The following HECW1 variants were observed in gnomAD, a reference collection of about 807,000 sequenced individuals.
HECW1 encodes the protein E3 ubiquitin-protein ligase HECW1.
Under a neutral mutation model 182.3 loss-of-function variants are expected in HECW1, and 61 were observed. The ratio of observed to expected loss-of-function variants is 0.33; its 90% CI spans 0.27 to 0.41. The LOEUF is 0.41. HECW1 is among the 10% of genes least tolerant of loss of function. HECW1 has a pLI of 1.00. For synonymous variants in HECW1, 859 were observed against 832.6 expected, an observed-to-expected ratio of 1.03 and a Z score of -0.55; for missense variants, 1,739 against 2,108.9, an observed-to-expected ratio of 0.82 and a Z score of 3.44.
chr7:43,407,459 G>C (rs2075649093), intron 7 of HECW1, 103 bp from the exon 8 acceptor site: 3 of 818,630 alleles, frequency 3.7e-6, no homozygotes, highest in Admixed American at 2.6e-5. Context: ...TAGAGATCTA[G>C]TTCATAAGGG....
intron 19 of HECW1, among the ~76,000 whole-genome samples, chr7:43,493,912 C>T (rs2079024903): frequency 4.6e-5 from 7 of 152,106 alleles, no homozygotes; most frequent in Admixed American, 4.6e-4. Context: ...ATGGGGGTCA[C>T]AAAGTGGGCA....
chr7:43,543,552 G>A (rs994037839), intron 26 of HECW1, among the ~76,000 whole-genome samples: 4 of 152,120 alleles, frequency 2.6e-5, no homozygotes, highest in African/African-American at 9.7e-5. Context: ...GCTGAGGTGG[G>A]CAGATCACCT....
At chr7:43,366,239 G>A (rs929371228) in intron 6 of HECW1, among the ~76,000 whole-genome samples, 3 of 152,000 alleles carry the variant, frequency 2.0e-5, no homozygotes, top group African/African-American at 7.3e-5. Flanking sequence ...CAACTCAATA[G>A]GACATTTCCA....
chr7:43,202,405 C>T (rs1795087198), intron 2 of HECW1, among the ~76,000 whole-genome samples: 1 of 151,854 alleles, frequency 6.6e-6, no homozygotes, highest in African/African-American at 2.4e-5. Flanking sequence ...CTTTCCTTTT[C>T]CATATTCTTT....
rs1327690112 is a variant in HECW1 at position 43,112,770 on chromosome 7, T to G, written c.-434T>G. 2 of 229,922 alleles carry G rather than the reference T, an allele frequency of 8.7e-6. No individual in the cohort carries two copies. The highest frequency in any genetic ancestry group is 4.4e-5 in the African/African-American group (2 of 45,010). The allele number at this position is 229,922 out of a possible 1,614,324, so 14.2% of individuals were successfully genotyped here. On this transcript the variant is annotated 5_prime_UTR_variant, in exon 1 of 30. Transcript: ENST00000395891. ...CCGTGACAGTGGCCGTGGCCTCCGC[T>G]CTCTCGGGGCACCCGGCAGCCAGAG...
intron 2 of HECW1, among the ~76,000 whole-genome samples, chr7:43,131,990 G>A (rs902452461): frequency 6.6e-6 from 1 of 152,218 alleles, no homozygotes; most frequent in Non-Finnish European, 1.5e-5. Context: ...CAAGGGCATC[G>A]AGTGGGGAAA....
At chr7:43,367,272 C>T (rs1166794102) in intron 6 of HECW1, among the ~76,000 whole-genome samples, 3 of 152,174 alleles carry the variant, frequency 2.0e-5, no homozygotes, top group Non-Finnish European at 1.5e-5. Context: ...CTTACTATTA[C>T]ATCCAGAATT....
In HECW1 at chr7:43,444,994, G is replaced by T. The variant is rs770350541; in HGVS notation, c.1822G>T (p.Ala608Ser). ...DGLSEVDTVA[A>S]DPSALEEDRE... is the part of the protein sequence containing the mutation. ...GCTCAGCGAGGTGGACACGGTGGCCGCTGACCCGTCTGCCCTGGAAGAGGA... is the reference window on the plus strand; with the variant it reads ...GCTCAGCGAGGTGGACACGGTGGCCTCTGACCCGTCTGCCCTGGAAGAGGA... Residue 608 changes from alanine to serine, a missense_variant, in exon 11 of 30, where the codon GCT (alanine) becomes TCT (serine). Coordinates refer to ENST00000395891, the MANE Select transcript of HECW1 (RefSeq NM_015052.5). The surrounding 1 kb of genome is among the most constrained non-coding windows in gnomAD (Gnocchi z 4.3). 9.0e-6 allele frequency: 14 copies of T among 1,554,882 alleles called. No homozygotes were observed. Among genetic ancestry groups the T allele is most frequent in the Non-Finnish European group, 7.8e-6 (9 of 1,149,398 alleles).
At chr7:43,466,359 T>A in intron 14 of HECW1, 88 bp from the exon 15 acceptor site, 1 of 1,364,874 alleles carries the variant, frequency 7.3e-7, no homozygotes, top group Non-Finnish European at 1.0e-6. Flanking sequence ...GGTGAAGGCT[T>A]GTGTGCTGCC....
At chr7:43,295,517 G>C (rs1301763978) in intron 3 of HECW1, among the ~76,000 whole-genome samples, 1 of 152,144 alleles carries the variant, frequency 6.6e-6, no homozygotes, top group East Asian at 1.9e-4. Flanking sequence ...ACTGAATACG[G>C]AGAAGGTCCC....
At chr7:43,127,112 C>T (rs1017012678) in intron 2 of HECW1, among the ~76,000 whole-genome samples, 11 of 152,092 alleles carry the variant, frequency 7.2e-5, no homozygotes, top group African/African-American at 2.7e-4. Context: ...TGTCAAAAGC[C>T]GAGACAAGTC....
intron 2 of HECW1, among the ~76,000 whole-genome samples, chr7:43,218,661 T>C (rs1796657407): frequency 6.6e-6 from 1 of 152,136 alleles, no homozygotes; most frequent in African/African-American, 2.4e-5. Context: ...GCCACCCTCA[T>C]CTTCTGGATT....
At position 43,505,873 on chromosome 7, in the gene HECW1, T is replaced by C. The variant is rs1385522437; in HGVS notation, c.3632-1264T>C. ...CATTGTAACTTGTATTATATACTCA[T>C]TTCTGAGAGTTTACCAGCATCAGTC... On this transcript the variant is annotated intron_variant, in intron 21 of 29. Transcript: ENST00000395891. Among the ~76,000 whole-genome samples, 5 of 152,330 alleles carry C rather than the reference T, an allele frequency of 3.3e-5. No homozygotes were observed. The East Asian group carries it at 7.7e-4, about 23-fold the overall frequency.
intron 3 of HECW1, among the ~76,000 whole-genome samples, chr7:43,246,108 G>A (rs572620357): frequency 5.3e-5 from 8 of 150,796 alleles, no homozygotes; most frequent in South Asian, 4.2e-4. Flanking sequence ...AGACCAGCCC[G>A]AGCCATAGGG....
intron 3 of HECW1, among the ~76,000 whole-genome samples, chr7:43,273,892 C>T (rs924600949): frequency 5.3e-5 from 8 of 150,260 alleles, no homozygotes; most frequent in Non-Finnish European, 1.2e-4. Context: ...CTCTCTGTCA[C>T]CCAAGCTGGA....
At chr7:43,175,989 C>A (rs1470843934) in intron 2 of HECW1, among the ~76,000 whole-genome samples, 2 of 152,176 alleles carry the variant, frequency 1.3e-5, no homozygotes, top group Non-Finnish European at 2.9e-5. Context: ...ATTTGGATAA[C>A]CTTTTGGATA....
At chr7:43,128,889 A>G (rs1417509803) in intron 2 of HECW1, among the ~76,000 whole-genome samples, 1 of 151,970 alleles carries the variant, frequency 6.6e-6, no homozygotes, top group Non-Finnish European at 1.5e-5. Flanking sequence ...GGAGGAAGTC[A>G]CTGCAGATGG....
At chr7:43,184,088 A>G (rs1793133275) in intron 2 of HECW1, among the ~76,000 whole-genome samples, 2 of 152,052 alleles carry the variant, frequency 1.3e-5, no homozygotes, top group South Asian at 4.1e-4. Flanking sequence ...ATCTTGGCTC[A>G]CTGCAAGCTC....
chr7:43,198,998 G>C (rs116048550), intron 2 of HECW1, among the ~76,000 whole-genome samples: 354 of 152,224 alleles, frequency 2.3e-3, no homozygotes, highest in African/African-American at 8.1e-3. Context: ...TAAACCATTT[G>C]CCTTCCCAGT....
Sources: allele counts gnomAD v4.1 joint callset (sites outside exome capture counted in the v4.1 genomes callset), GRCh38; gene constraint gnomAD v4.1.1; non-coding constraint Gnocchi (gnomAD v3.1); transcripts MANE v1.5; gene names NCBI Gene and HGNC (gene_info 2026-07-23, HGNC 2026-07-21).